The following SLC39A12 variants were observed in gnomAD, a reference collection of about 807,000 sequenced individuals.
SLC39A12 encodes the protein solute carrier family 39 member 12.
In SLC39A12, 63 loss-of-function variants were observed where a neutral mutation model predicts 71.1. The observed-to-expected ratio is 0.89, with a 90% confidence interval of 0.72 to 1.09. The LOEUF (loss-of-function observed/expected upper bound fraction) is 1.09, where lower values mean the gene tolerates loss of function less well. SLC39A12 is among the 50% of genes least tolerant of loss of function. The pLI is 0.00. For synonymous variants in SLC39A12, 351 were observed against 301.3 expected (o/e 1.16, Z -1.71); for missense variants, 892 against 812.6 (o/e 1.10, Z -1.19).
At chr10:18,017,933 A>G (rs183164178) in intron 12 of SLC39A12, among the ~76,000 whole-genome samples, 82 of 152,316 alleles carry the variant, frequency 5.4e-4, no homozygotes, top group African/African-American at 1.9e-3. Context: ...ACTTGCTGGG[A>G]CTTTGATTTG....
intron 12 of SLC39A12, among the ~76,000 whole-genome samples, chr10:18,014,005 T>C (rs923136236): frequency 1.3e-5 from 2 of 152,208 alleles, no homozygotes; most frequent in Non-Finnish European, 2.9e-5. Flanking sequence ...TTAAAAAAAG[T>C]GATTGGGATT....
At chr10:17,956,959 C>G (rs1834566138) in intron 2 of SLC39A12, among the ~76,000 whole-genome samples, 1 of 152,092 alleles carries the variant, frequency 6.6e-6, no homozygotes, top group Non-Finnish European at 1.5e-5. Flanking sequence ...AGGAAAAAAA[C>G]ACATACACGT....
In SLC39A12 at chr10:18,042,976, T is replaced by C; in HGVS notation, c.*143T>C. On this transcript the variant is annotated 3_prime_UTR_variant, in exon 13 of 13. Coordinates refer to ENST00000377369, the MANE Select transcript of SLC39A12 (RefSeq NM_001145195.2). ...TTTCAATTCATTAACTTATTAATTT[T>C]ATAATGCAGTTTTATTTTTGGAAAC... 1.7e-6 allele frequency: 1 copy of C among 594,904 alleles called. No individual in the cohort carries two copies. The highest frequency in any genetic ancestry group is 2.5e-6 in the Non-Finnish European group (1 of 401,240). The allele number at this position is 594,904 out of a possible 1,614,324, so 36.9% of individuals were successfully genotyped here. A position where few individuals can be genotyped will look rare whatever the true frequency, so the allele number is the denominator to read the frequency against.
At chr10:17,983,803 C>T (rs1462357130) in intron 6 of SLC39A12, among the ~76,000 whole-genome samples, 1 of 151,890 alleles carries the variant, frequency 6.6e-6, no homozygotes, top group Non-Finnish European at 1.5e-5. Flanking sequence ...CAAAACAAAA[C>T]CTAGAAAAAC....
At position 17,953,386 on chromosome 10, in the gene SLC39A12, G is replaced by C; in HGVS notation, c.110G>C (p.Arg37Pro). The C allele has an allele frequency of 3.1e-6, 5 of 1,614,138 alleles. No individual in the cohort carries two copies. Among genetic ancestry groups the C allele is most frequent in the Non-Finnish European group, 4.2e-6 (5 of 1,180,028 alleles). ...CCCTCAGCCCAGGATAGCAGAAGCC[G>C]TGGGAGTTCAGGCCAACCGGCAGAC... ...DKPSAQDSRS[R>P]GSSGQPADLL... is the part of the protein sequence containing the mutation. Residue 37 changes from arginine (R) to proline (P), a missense_variant, in exon 2 of 13, where the codon CGT (arginine) becomes CCT (proline). Transcript: ENST00000377369.
At chr10:18,015,853 C>T (rs1836364982) in intron 12 of SLC39A12, among the ~76,000 whole-genome samples, 1 of 151,784 alleles carries the variant, frequency 6.6e-6, no homozygotes, top group Non-Finnish European at 1.5e-5. Context: ...ATGAGGCTAG[C>T]ATGACTGAAA....
At chr10:17,968,269 C>T (rs940448431) in intron 4 of SLC39A12, among the ~76,000 whole-genome samples, 9 of 151,982 alleles carry the variant, frequency 5.9e-5, no homozygotes, top group Non-Finnish European at 1.0e-4. Context: ...CTCAATATAA[C>T]GTTAAATAAT....
intron 4 of SLC39A12, among the ~76,000 whole-genome samples, chr10:17,969,575 C>T (rs909757071): frequency 2.0e-5 from 3 of 152,070 alleles, no homozygotes; most frequent in Admixed American, 6.5e-5. Flanking sequence ...TCCTGTTTGC[C>T]ATTTGTATGT....
chr10:17,977,808 T>C, intron 4 of SLC39A12, 94 bp from the exon 5 acceptor site: 1 of 942,764 alleles, frequency 1.1e-6, no homozygotes, highest in Non-Finnish European at 1.5e-6. Context: ...AAGAATTCTT[T>C]GTAAGGGAAT....
intron 2 of SLC39A12, among the ~76,000 whole-genome samples, chr10:17,958,392 C>T (rs1372216429): frequency 6.6e-6 from 1 of 152,106 alleles, no homozygotes; most frequent in Non-Finnish European, 1.5e-5. Flanking sequence ...TAAACTCATT[C>T]AACGCTCTCG....
chr10:18,026,146 GTGCTCTTC>G (rs2130883325), intron 12 of SLC39A12, among the ~76,000 whole-genome samples: 1 of 152,180 alleles, frequency 6.6e-6, no homozygotes, highest in South Asian at 2.1e-4. Flanking sequence ...TCGTTCTCAA[GTGCTCTTC>G]TTTTTTATGT....
At chr10:18,029,024 C>CT (rs75808185) in intron 12 of SLC39A12, among the ~76,000 whole-genome samples, 136 of 144,010 alleles carry the variant, frequency 9.4e-4, no homozygotes, top group Non-Finnish European at 1.3e-3. Flanking sequence ...CCCACCAAAA[C>CT]TTTTTTTTTT....
chr10:18,041,882 T>C (rs11012344), intron 12 of SLC39A12, among the ~76,000 whole-genome samples: 202 of 148,548 alleles, frequency 1.4e-3, no homozygotes, highest in African/African-American at 4.6e-3. Context: ...TGTATATATA[T>C]ACACACATAT....
intron 12 of SLC39A12, among the ~76,000 whole-genome samples, chr10:18,009,361 C>T (rs531676747): frequency 6.6e-6 from 1 of 152,238 alleles, no homozygotes; most frequent in South Asian, 2.1e-4. Flanking sequence ...CTGTCCAATT[C>T]ATGCCAAAAC....
At chr10:17,971,922 T>C (rs1203040622) in intron 4 of SLC39A12, among the ~76,000 whole-genome samples, 3 of 152,206 alleles carry the variant, frequency 2.0e-5, no homozygotes, top group Non-Finnish European at 4.4e-5. Context: ...GATGCATTGT[T>C]AGATTGTTAA....
At chr10:17,988,294 C>T (rs143201667) in intron 7 of SLC39A12, among the ~76,000 whole-genome samples, 7 of 152,236 alleles carry the variant, frequency 4.6e-5, no homozygotes, top group African/African-American at 1.7e-4. Context: ...GGTGACAGAG[C>T]GAGACTCTGT....
rs897776442 is a variant in SLC39A12, at chr10:18,038,505, C to T, written c.1948-4200C>T. 2.6e-5 allele frequency among the ~76,000 whole-genome samples: 4 copies of T among 152,000 alleles called. No homozygotes were observed. The South Asian group carries it at 6.2e-4, about 24-fold the overall frequency. On this transcript the variant is annotated intron_variant, in intron 12 of 12. Coordinates refer to ENST00000377369, the MANE Select transcript of SLC39A12 (RefSeq NM_001145195.2). Reference sequence around the variant, plus strand: ...GTCTCTACTAAAAACACAAAATATGCCAGGTGTGGTGGTGTGTGCCTGTAA... The same window carrying T: ...GTCTCTACTAAAAACACAAAATATGTCAGGTGTGGTGGTGTGTGCCTGTAA...
intron 12 of SLC39A12, among the ~76,000 whole-genome samples, chr10:18,024,359 C>T (rs550372337): frequency 6.6e-6 from 1 of 152,080 alleles, no homozygotes; most frequent in Admixed American, 6.6e-5. Flanking sequence ...TCTGGAGGAA[C>T]TGAGGGGAGG....
At chr10:18,041,090 TC>T (rs1415482560) in intron 12 of SLC39A12, among the ~76,000 whole-genome samples, 1 of 152,232 alleles carries the variant, frequency 6.6e-6, no homozygotes, top group East Asian at 1.9e-4. Flanking sequence ...CGAGCCTGTG[TC>T]CCAATGGAAA....
Sources: gnomAD v4.1 joint callset for allele counts (sites outside exome capture counted in the v4.1 genomes callset) on GRCh38, gnomAD v4.1.1 for gene constraint, MANE v1.5 for transcripts, NCBI Gene and HGNC (gene_info 2026-07-23, HGNC 2026-07-21) for gene names.